Variants in CUX1 observed in about 807,000 individuals in gnomAD.
CUX1 encodes protein CASP.
A neutral mutation model predicts 158.8 loss-of-function variants in CUX1; 31 were observed. That is an observed-to-expected ratio of 0.20 (90% CI 0.15 to 0.26). The LOEUF (loss-of-function observed/expected upper bound fraction) is 0.26. Ranked by LOEUF, CUX1 falls within the 10% of genes least tolerant of loss-of-function variation. The probability of loss-of-function intolerance (pLI) is 1.00; values close to 1 mark genes in which losing one functional copy is unlikely to be tolerated. For missense variants in CUX1, 1,589 were observed against 2,014.6 expected, an observed-to-expected ratio of 0.79 and a Z score of 4.04; for synonymous variants, 879 against 862.1, an observed-to-expected ratio of 1.02 and a Z score of -0.34.
At chr7:102,229,720 C>T (rs1448709570) in intron 21 of CUX1, among the ~76,000 whole-genome samples, 4 of 148,190 alleles carry the variant, frequency 2.7e-5, no homozygotes, top group Admixed American at 6.9e-5. Flanking sequence ...TGGGTTCAGG[C>T]GATTCTCCTG....
intron 12 of CUX1, 120 bp downstream of exon 12, chr7:102,189,991 G>C: frequency 9.8e-7 from 1 of 1,015,732 alleles, no homozygotes; most frequent in Non-Finnish European, 1.5e-6. Context: ...GCAGATGCCC[G>C]TAAATGCAGC....
intron 2 of CUX1, among the ~76,000 whole-genome samples, chr7:102,014,967 C>T (rs1233246088): frequency 1.3e-5 from 2 of 152,096 alleles, no homozygotes; most frequent in African/African-American, 4.8e-5. Flanking sequence ...GACCCTGCCT[C>T]CGTGTCCACC....
At chr7:101,883,616 A>G (rs187963089) in intron 1 of CUX1, among the ~76,000 whole-genome samples, 2 of 149,400 alleles carry the variant, frequency 1.3e-5, no homozygotes, top group African/African-American at 4.9e-5. Flanking sequence ...AATTATTATT[A>G]TTACTGTTTT....
rs545045261 is a variant in CUX1, at chr7:101,905,193, G to A, written c.31-10922G>A. ...CGTATAAACTATGGCAACTGGAAGTGAACCAGGTCTTTTCCTGCCCTCTGA... is the reference window on the plus strand; with the variant it reads ...CGTATAAACTATGGCAACTGGAAGTAAACCAGGTCTTTTCCTGCCCTCTGA... On this transcript the variant is annotated intron_variant, in intron 1 of 23. Transcript: ENST00000292535. 4.9e-4 allele frequency among the ~76,000 whole-genome samples: 74 copies of A among 152,290 alleles called. 2 individuals carry two copies. In the South Asian group the frequency reaches 0.013, roughly 27 times the overall value.
chr7:102,101,123 C>A (rs1401262676), intron 5 of CUX1, among the ~76,000 whole-genome samples: 1 of 152,190 alleles, frequency 6.6e-6, no homozygotes, highest in African/African-American at 2.4e-5. Flanking sequence ...ACCCAGACAC[C>A]TCCCACTTGG....
intron 11 of CUX1, among the ~76,000 whole-genome samples, chr7:102,181,127 G>C (rs1793043940): frequency 6.6e-6 from 1 of 151,752 alleles, no homozygotes; most frequent in East Asian, 1.9e-4. Flanking sequence ...TTTTAGTAGA[G>C]ATGGGATTTC....
At chr7:101,993,727 A>G (rs1047619807) in intron 2 of CUX1, among the ~76,000 whole-genome samples, 3 of 151,928 alleles carry the variant, frequency 2.0e-5, no homozygotes, top group Non-Finnish European at 4.4e-5. Flanking sequence ...TCCTCTCCCT[A>G]ACTCTGACTT....
chr7:102,227,135 T>G (rs1406174879), intron 20 of CUX1, among the ~76,000 whole-genome samples: 1 of 152,108 alleles, frequency 6.6e-6, no homozygotes. Context: ...AAGCCTTTCT[T>G]TTAAACCCCT....
chr7:102,210,346 C>T (rs1476294945), intron 20 of CUX1, among the ~76,000 whole-genome samples: 1 of 152,184 alleles, frequency 6.6e-6, no homozygotes, highest in Admixed American at 6.5e-5. Flanking sequence ...ATCCTCCCAC[C>T]TTGGCCTCCC....
At chr7:101,829,379 A>G (rs1298102609) in intron 1 of CUX1, among the ~76,000 whole-genome samples, 5 of 152,070 alleles carry the variant, frequency 3.3e-5, no homozygotes, top group African/African-American at 7.2e-5. Flanking sequence ...TAATGGTTTC[A>G]TGGGAACAGA....
chr7:101,945,546 A>T (rs904676411), intron 2 of CUX1, among the ~76,000 whole-genome samples: 4 of 152,180 alleles, frequency 2.6e-5, no homozygotes, highest in African/African-American at 9.7e-5. Flanking sequence ...CCGGGGAGGC[A>T]GGTCATAGTC....
At chr7:102,216,027 G>A (rs1347852749) in intron 20 of CUX1, among the ~76,000 whole-genome samples, 1 of 152,210 alleles carries the variant, frequency 6.6e-6, no homozygotes, top group Non-Finnish European at 1.5e-5. Flanking sequence ...CTCCTGCCTG[G>A]GCACAGTGGC....
intron 1 of CUX1, among the ~76,000 whole-genome samples, chr7:101,894,582 G>T (rs575802150): frequency 6.6e-6 from 1 of 152,346 alleles, no homozygotes; most frequent in South Asian, 2.1e-4. Flanking sequence ...AAAGTGCTGG[G>T]ATTACAGGCG....
chr7:102,270,913 C>T (rs1554546113), intron 14 of CUX1, among the ~76,000 whole-genome samples: 1 of 152,208 alleles, frequency 6.6e-6, no homozygotes, highest in Non-Finnish European at 1.5e-5. Flanking sequence ...GACACAGGAA[C>T]AAGTGCACGG....
rs138357768 is a variant in CUX1, at chr7:102,081,152, C to T, written c.268+10735C>T. ...GCCTTCTCCTCTTCCTCTGCCAGGG[C>T]TCTAAATGTTGGAGTATGCCAGGAC... is the stretch of plus-strand genomic sequence containing the variant. On this transcript the variant is annotated intron_variant, in intron 4 of 23. Coordinates refer to ENST00000292535, the MANE Select transcript of CUX1 (RefSeq NM_181552.4). Among the ~76,000 whole-genome samples, 1,071 of 152,316 alleles carry T rather than the reference C, an allele frequency of 7.0e-3. 15 individuals are homozygous for T. The highest frequency in any genetic ancestry group is 0.025 in the African/African-American group (1,035 of 41,568).
chr7:102,282,106 T>A (rs1010975573), intron 21 of CUX1, among the ~76,000 whole-genome samples: 2 of 151,996 alleles, frequency 1.3e-5, no homozygotes, highest in Non-Finnish European at 2.9e-5. Context: ...ACCCACCCCA[T>A]TGGGACCTCT....
intron 11 of CUX1, among the ~76,000 whole-genome samples, chr7:102,189,278 T>C (rs1055229988): frequency 6.6e-6 from 1 of 151,752 alleles, no homozygotes; most frequent in Non-Finnish European, 1.5e-5. Flanking sequence ...TCCTCCTGTT[T>C]GCTGTTTCAT....
intron 2 of CUX1, among the ~76,000 whole-genome samples, chr7:101,957,748 A>T (rs1809947521): frequency 1.3e-5 from 2 of 152,240 alleles, no homozygotes; most frequent in African/African-American, 2.4e-5. Flanking sequence ...ATAATTTAAA[A>T]AAAACAAGAG....
At chr7:102,042,062 G>A (rs1261486401) in intron 3 of CUX1, among the ~76,000 whole-genome samples, 2 of 152,000 alleles carry the variant, frequency 1.3e-5, no homozygotes, top group Non-Finnish European at 2.9e-5. Flanking sequence ...GAGTGTGTGT[G>A]TGTGTGTATG....
Sources: gnomAD v4.1 joint callset for allele counts (sites outside exome capture counted in the v4.1 genomes callset) on GRCh38, gnomAD v4.1.1 for gene constraint, MANE v1.5 for transcripts, NCBI Gene and HGNC (gene_info 2026-07-23, HGNC 2026-07-21) for gene names.